Variants in TSPEAR observed in about 807,000 individuals in gnomAD.
TSPEAR encodes the protein thrombospondin-type laminin G domain and EAR repeat-containing protein.
In TSPEAR, 69 loss-of-function variants were observed where a neutral mutation model predicts 71.6. The observed-to-expected ratio is 0.96, with a 90% CI of 0.79 to 1.18. The LOEUF (loss-of-function observed/expected upper bound fraction) is 1.18. Among genes scored for constraint, TSPEAR ranks in the 50% most tolerant of loss-of-function variants. The pLI is 0.00. For synonymous variants in TSPEAR, 402 were observed against 387.2 expected, an observed-to-expected ratio of 1.04 and a Z score of -0.45; for missense variants, 971 against 894.9, an observed-to-expected ratio of 1.09 and a Z score of -1.09.
At position 44,558,683 on chromosome 21, in the gene TSPEAR, G is replaced by T. The variant is rs144613025; in HGVS notation, c.303+9102C>A. On this transcript the variant is annotated intron_variant, in intron 2 of 11. Coordinates refer to ENST00000323084, the MANE Select transcript of TSPEAR (RefSeq NM_144991.3). ...CCACCTGCCAGGAGTCAGAGTAAGC[G>T]CTGGAGCAGACGGACATGGTAGACG... The T allele has an allele frequency of 4.3e-6, 7 of 1,612,178 alleles. No individual in the cohort carries two copies. In the African/African-American group the frequency reaches 5.3e-5, roughly 12 times the overall value.
At chr21:44,599,309 C>T (rs1555928080) in intron 1 of TSPEAR, among the ~76,000 whole-genome samples, 1 of 152,178 alleles carries the variant, frequency 6.6e-6, no homozygotes, top group African/African-American at 2.4e-5. Flanking sequence ...CCTCTGAGGC[C>T]TTTTGTACTT....
In TSPEAR at chr21:44,566,150, A is replaced by C. The variant is rs144896542; in HGVS notation, c.303+1635T>G. Among the ~76,000 whole-genome samples the C allele has an allele frequency of 1.0e-3, 156 of 152,348 alleles. 4 individuals carry two copies. The East Asian group carries it at 0.029, about 28-fold the overall frequency. Reference sequence around the variant, plus strand: ...AGCCGAGATTGCACCACTGCATTCCAGCCTGGGTGACAGAGTGAGACTCTG... The same window carrying C: ...AGCCGAGATTGCACCACTGCATTCCCGCCTGGGTGACAGAGTGAGACTCTG... On this transcript the variant is annotated intron_variant, in intron 2 of 11. Transcript: ENST00000323084.
intron 2 of TSPEAR, among the ~76,000 whole-genome samples, chr21:44,552,828 G>A (rs139251480): frequency 2.0e-5 from 3 of 152,242 alleles, no homozygotes; most frequent in East Asian, 3.9e-4. Flanking sequence ...CAGTCACTCC[G>A]CCCTCCATGG....
chr21:44,639,923 G>A (rs367812117), intron 1 of TSPEAR, among the ~76,000 whole-genome samples: 2 of 152,214 alleles, frequency 1.3e-5, no homozygotes, highest in South Asian at 2.1e-4. Context: ...GTCCTCATTC[G>A]ATGTGTCTTC....
intron 9 of TSPEAR, among the ~76,000 whole-genome samples, chr21:44,514,618 C>T (rs1428328895): frequency 1.3e-5 from 2 of 152,174 alleles, no homozygotes; most frequent in Admixed American, 1.3e-4. Flanking sequence ...TTGGAGTCCA[C>T]ATTTGGTGAC....
intron 1 of TSPEAR, among the ~76,000 whole-genome samples, chr21:44,649,198 G>A (rs1249618112): frequency 6.6e-6 from 1 of 152,204 alleles, no homozygotes; most frequent in Non-Finnish European, 1.5e-5. Flanking sequence ...GCTCGTCAGG[G>A]TGTGATCAGA....
chr21:44,697,449 C>T lies in TSPEAR; in HGVS notation c.82+13984G>A, dbSNP rs200497262. The T allele has an allele frequency of 2.6e-4, 412 of 1,614,104 alleles. 2 individuals carry two copies. The Middle Eastern group carries it at 7.5e-3, about 29-fold the overall frequency. ...GGCTGCACCAGCTCCTGCACGCCCT[C>T]GTGCTGCCAGCAGTCTAGCTGCCAG... is the stretch of plus-strand genomic sequence containing the variant. On this transcript the variant is annotated intron_variant, in intron 1 of 11. Coordinates refer to ENST00000323084, the MANE Select transcript of TSPEAR (RefSeq NM_144991.3).
At chr21:44,525,178 G>A (rs782030772) in intron 8 of TSPEAR, among the ~76,000 whole-genome samples, 9 of 151,524 alleles carry the variant, frequency 5.9e-5, no homozygotes, top group Non-Finnish European at 1.3e-4. Context: ...AGTCAGTGAA[G>A]TAGTCAGTCA....
intron 1 of TSPEAR, among the ~76,000 whole-genome samples, chr21:44,659,613 A>T (rs1410540554): frequency 1.3e-5 from 2 of 152,238 alleles, no homozygotes; most frequent in African/African-American, 4.8e-5. Context: ...CAAAGAAATC[A>T]ATAAAACTGG....
Position 44,635,456 on chromosome 21 carries a change from C to T in TSPEAR, c.83-67451G>A, listed in dbSNP as rs587688977. ...AGATGAATGGATAAATGAAATGTGG[C>T]GTGTCCCTTTGATGGAATATGATTC... is the stretch of plus-strand genomic sequence containing the variant. On this transcript the variant is annotated intron_variant, in intron 1 of 11. Coordinates refer to ENST00000323084, the MANE Select transcript of TSPEAR (RefSeq NM_144991.3). 1.1e-4 allele frequency among the ~76,000 whole-genome samples: 16 copies of T among 151,888 alleles called. No homozygotes were observed. The South Asian group carries it at 1.9e-3, about 18-fold the overall frequency.
intron 1 of TSPEAR, among the ~76,000 whole-genome samples, chr21:44,618,276 C>G (rs1330926820): frequency 6.6e-6 from 1 of 152,202 alleles, no homozygotes; most frequent in Non-Finnish European, 1.5e-5. Context: ...CTCCTGCCAC[C>G]ATGTGAAGAA....
intron 2 of TSPEAR, among the ~76,000 whole-genome samples, chr21:44,540,888 A>G (rs112538901): frequency 0.017 from 2,627 of 152,334 alleles, 72 homozygotes; most frequent in African/African-American, 0.06. Flanking sequence ...GAACTGGCCC[A>G]TGGATTTGGT....
intron 1 of TSPEAR, chr21:44,613,005 G>A: frequency 2.2e-6 from 3 of 1,394,926 alleles, no homozygotes; most frequent in Non-Finnish European, 2.9e-6. Flanking sequence ...TCTCCCCTGT[G>A]CTGAGGTGAC....
intron 1 of TSPEAR, among the ~76,000 whole-genome samples, chr21:44,704,196 C>T (rs966302855): frequency 1.3e-5 from 2 of 151,926 alleles, no homozygotes; most frequent in Admixed American, 6.6e-5. Context: ...CTTCCTAGCC[C>T]CTGGGGGTGG....
chr21:44,539,847 G>C (rs782652361), intron 2 of TSPEAR: 8 of 1,576,732 alleles, frequency 5.1e-6, no homozygotes, highest in South Asian at 4.6e-5. Context: ...CAGCAGACGG[G>C]CACGCAGCAG....
At position 44,677,156 on chromosome 21, in the gene TSPEAR, A is replaced by G. The variant is rs587644312; in HGVS notation, c.82+34277T>C. The G allele has an allele frequency of 2.3e-4, 163 of 716,092 alleles. 3 individuals are homozygous for G. The South Asian group carries it at 2.3e-3, about 10-fold the overall frequency. 44.4% of individuals were successfully genotyped at this position (716,092 alleles called of 1,614,324 possible). ...TCAACTATCATGTTGTGAAGTTTAT[A>G]TGAGGCTTGGCCCCAGCAACCTCTT... On this transcript the variant is annotated intron_variant, in intron 1 of 11. Transcript: ENST00000323084.
At chr21:44,524,210 C>T (rs1226164239) in intron 8 of TSPEAR, among the ~76,000 whole-genome samples, 1 of 143,456 alleles carries the variant, frequency 7.0e-6, no homozygotes, top group African/African-American at 2.6e-5. Flanking sequence ...CAGGTAGTCA[C>T]TCCATCAGTC....
chr21:44,509,186 T>G lies in TSPEAR; in HGVS notation c.1754+13A>C. On this transcript the variant is annotated intron_variant, in intron 10 of 11. Transcript: ENST00000323084. ...GATCAGCCCACCTCCCACTGGCCTG[T>G]GGAGGCGCATACCTGCAGGTGAGAA... 6 of 1,611,404 alleles carry G rather than the reference T, an allele frequency of 3.7e-6. No homozygotes were observed. The highest frequency in any genetic ancestry group is 5.1e-6 in the Non-Finnish European group (6 of 1,178,268).
At chr21:44,638,813 C>T (rs1458279758) in intron 1 of TSPEAR, among the ~76,000 whole-genome samples, 1 of 152,018 alleles carries the variant, frequency 6.6e-6, no homozygotes, top group East Asian at 1.9e-4. Flanking sequence ...CACATTCACC[C>T]TCCCCAGCTC....
Sources: allele counts gnomAD v4.1 joint callset (sites outside exome capture counted in the v4.1 genomes callset), GRCh38; gene constraint gnomAD v4.1.1; transcripts MANE v1.5; gene names NCBI Gene and HGNC (gene_info 2026-07-23, HGNC 2026-07-21).